Variants in BPIFC observed in about 807,000 individuals in gnomAD.
BPIFC encodes BPI fold-containing family C protein.
BPIFC carries 60 observed loss-of-function variants against 57.6 expected under a neutral mutation model. The ratio of observed to expected loss-of-function variants is 1.04; its 90% CI spans 0.85 to 1.29. The LOEUF (loss-of-function observed/expected upper bound fraction) is 1.29. Ranked by LOEUF, BPIFC falls within the 50% of genes most tolerant of loss-of-function variation. The probability of loss-of-function intolerance (pLI) is 0.00; values close to 1 mark genes in which losing one functional copy is unlikely to be tolerated. For synonymous variants in BPIFC, 243 were observed against 224.5 expected (o/e 1.08, Z -0.74); for missense variants, 581 against 600.5 (o/e 0.97, Z 0.34).
intron 8 of BPIFC, among the ~76,000 whole-genome samples, chr22:32,440,030 A>ATGG (rs1304093652): frequency 6.6e-6 from 1 of 152,192 alleles, no homozygotes; most frequent in African/African-American, 2.4e-5. Flanking sequence ...AAGCTAGAAC[A>ATGG]TGGTGATCCT....
chr22:32,426,561 G>A (rs1174722493), intron 13 of BPIFC, among the ~76,000 whole-genome samples: 1 of 152,158 alleles, frequency 6.6e-6, no homozygotes, highest in African/African-American at 2.4e-5. Context: ...GTGCTTAGAA[G>A]CCCCCTGTGC....
In BPIFC at chr22:32,464,020, T is replaced by C. The variant is rs546964243; in HGVS notation, c.-89+354A>G. ...TGATTTTGAGAGACAAGATAGAATT[T>C]TCTGCCACTGTGCTGGGTTCCCCTC... On this transcript the variant is annotated intron_variant, in intron 1 of 16. Transcript: ENST00000300399. 4.0e-4 allele frequency among the ~76,000 whole-genome samples: 61 copies of C among 152,296 alleles called. No homozygotes were observed. The South Asian group carries it at 7.9e-3, about 20-fold the overall frequency.
chr22:32,423,253 G>A (rs774855653), intron 13 of BPIFC, among the ~76,000 whole-genome samples: 20 of 152,186 alleles, frequency 1.3e-4, no homozygotes, highest in Admixed American at 9.2e-4. Context: ...CTTTTGATGA[G>A]TAAGAGTTAT....
chr22:32,428,767 C>G (rs987513365), intron 13 of BPIFC, among the ~76,000 whole-genome samples: 1 of 151,996 alleles, frequency 6.6e-6, no homozygotes, highest in Non-Finnish European at 1.5e-5. Context: ...GGTGTGGTGG[C>G]AGGCGCCTGT....
intron 8 of BPIFC, among the ~76,000 whole-genome samples, chr22:32,440,825 G>A (rs1048148023): frequency 7.9e-5 from 12 of 151,996 alleles, no homozygotes; most frequent in African/African-American, 2.9e-4. Flanking sequence ...ACCCTAGGCC[G>A]GCCACCATCA....
intron 13 of BPIFC, among the ~76,000 whole-genome samples, chr22:32,421,705 A>G (rs2145913433): frequency 6.6e-6 from 1 of 152,368 alleles, no homozygotes; most frequent in African/African-American, 2.4e-5. Flanking sequence ...CAGGTGCTAG[A>G]GATAGCAGCC....
chr22:32,432,163 C>G (rs1010434807), intron 12 of BPIFC, among the ~76,000 whole-genome samples: 2 of 151,590 alleles, frequency 1.3e-5, no homozygotes, highest in African/African-American at 2.4e-5. Flanking sequence ...CCAGGCTGGT[C>G]TCTAACTCCT....
At chr22:32,449,274 C>T (rs1028486218) in intron 4 of BPIFC, among the ~76,000 whole-genome samples, 2 of 152,164 alleles carry the variant, frequency 1.3e-5, no homozygotes, top group Non-Finnish European at 2.9e-5. Context: ...TAACCAGATT[C>T]AATCACTCAA....
At chr22:32,427,398 C>G (rs896534674) in intron 13 of BPIFC, among the ~76,000 whole-genome samples, 6 of 152,156 alleles carry the variant, frequency 3.9e-5, no homozygotes, top group Admixed American at 1.3e-4. Flanking sequence ...CCTTGAGATC[C>G]TGCCAGTAAA....
chr22:32,423,807 G>A (rs1031707355), intron 13 of BPIFC, among the ~76,000 whole-genome samples: 10 of 152,068 alleles, frequency 6.6e-5, no homozygotes, highest in Non-Finnish European at 1.3e-4. Flanking sequence ...AAAAGGGAAA[G>A]TGTCATTTAA....
intron 4 of BPIFC, among the ~76,000 whole-genome samples, chr22:32,448,942 A>C (rs1428520443): frequency 1.3e-5 from 2 of 152,170 alleles, no homozygotes; most frequent in Admixed American, 6.6e-5. Flanking sequence ...GTCTCAAAAA[A>C]AAAAAAAGAA....
chr22:32,449,778 G>A lies in BPIFC; in HGVS notation c.246-2438C>T, dbSNP rs556062860. Among the ~76,000 whole-genome samples the A allele has an allele frequency of 4.4e-3, 659 of 149,972 alleles. 6 individuals are homozygous for A. Among genetic ancestry groups the A allele is most frequent in the African/African-American group, 0.016 (632 of 40,554 alleles). ...GAGATGGAGTTTCACTCTGTCGCCC[G>A]GGCTGGAGTGCAGTGGCATGATCTC... is the stretch of plus-strand genomic sequence containing the variant. On this transcript the variant is annotated intron_variant, in intron 4 of 16. Coordinates refer to ENST00000300399, the MANE Select transcript of BPIFC (RefSeq NM_174932.3).
intron 3 of BPIFC, among the ~76,000 whole-genome samples, chr22:32,454,177 A>T (rs1023273729): frequency 5.3e-5 from 8 of 152,132 alleles, no homozygotes; most frequent in African/African-American, 1.9e-4. Flanking sequence ...TCAAATTCAG[A>T]CACTTCGGCT....
chr22:32,441,678 G>GA (rs1470542430), intron 8 of BPIFC, among the ~76,000 whole-genome samples: 1 of 152,132 alleles, frequency 6.6e-6, no homozygotes, highest in African/African-American at 2.4e-5. Context: ...GAGAGATAGA[G>GA]AACGGAAAGG....
intron 5 of BPIFC, among the ~76,000 whole-genome samples, chr22:32,446,994 G>A (rs994437455): frequency 3.4e-4 from 51 of 152,140 alleles, no homozygotes; most frequent in African/African-American, 1.2e-3. Context: ...AATGACATTT[G>A]ATCATATGCT....
chr22:32,438,888 G>A (rs1374648844), intron 8 of BPIFC, among the ~76,000 whole-genome samples: 1 of 152,054 alleles, frequency 6.6e-6, no homozygotes, highest in Non-Finnish European at 1.5e-5. Flanking sequence ...GATTGTGTGA[G>A]AGAAAATAAA....
chr22:32,455,018 T>C (rs1347263586), intron 3 of BPIFC, among the ~76,000 whole-genome samples: 3 of 151,394 alleles, frequency 2.0e-5, no homozygotes, highest in Admixed American at 6.6e-5. Context: ...AACAATCCTA[T>C]GGGTAGGTAC....
chr22:32,453,948 A>C (rs1452020064), intron 3 of BPIFC, among the ~76,000 whole-genome samples: 2 of 151,726 alleles, frequency 1.3e-5, no homozygotes, highest in Non-Finnish European at 1.5e-5. Context: ...ACAACAAAAA[A>C]AAAAATTAAA....
At chr22:32,445,150 T>C (rs1174974945) in intron 7 of BPIFC, among the ~76,000 whole-genome samples, 4 of 152,206 alleles carry the variant, frequency 2.6e-5, no homozygotes, top group Non-Finnish European at 5.9e-5. Flanking sequence ...GAAACTGTTA[T>C]TAAGTTGCAA....
Sources: gnomAD v4.1 joint callset for allele counts (sites outside exome capture counted in the v4.1 genomes callset) on GRCh38, gnomAD v4.1.1 for gene constraint, MANE v1.5 for transcripts, NCBI Gene and HGNC (gene_info 2026-07-23, HGNC 2026-07-21) for gene names.